Variants in TPTE2 observed in about 807,000 individuals in gnomAD.
TPTE2 encodes transmembrane phosphoinositide 3-phosphatase and tensin homolog 2.
Under a neutral mutation model 78.6 loss-of-function variants are expected in TPTE2, and 53 were observed. That is an observed-to-expected ratio of 0.67 (90% CI 0.54 to 0.85). The LOEUF (loss-of-function observed/expected upper bound fraction) is 0.85, where lower values mean the gene tolerates loss of function less well. Ranked by LOEUF, TPTE2 falls within the 40% of genes least tolerant of loss-of-function variation. The pLI, the probability that TPTE2 is intolerant of heterozygous loss-of-function variation, is 0.00. For missense variants in TPTE2, 461 were observed against 623.0 expected (o/e 0.74, Z 2.77); for synonymous variants, 175 against 206.2 (o/e 0.85, Z 1.30).
At chr13:19,531,354 G>T (rs191866529) in intron 1 of TPTE2, among the ~76,000 whole-genome samples, 1 of 150,586 alleles carries the variant, frequency 6.6e-6, no homozygotes, top group Admixed American at 6.6e-5. Flanking sequence ...AAGTTTCCTC[G>T]TATTAATACT....
chr13:19,538,322 G>A (rs1025651032), upstream of TPTE2, among the ~76,000 whole-genome samples: 4 of 151,952 alleles, frequency 2.6e-5, no homozygotes, highest in Non-Finnish European at 5.9e-5. Context: ...CCGGGTTCAC[G>A]CCATTCTCCT....
At chr13:19,560,994 A>T in the TPTE2 span, 1 of 1,581,086 alleles carries the variant, frequency 6.3e-7, no homozygotes, top group Non-Finnish European at 8.6e-7. Flanking sequence ...CCGCAGTGGT[A>T]GCCGGAGGCC....
At chr13:19,530,902 T>C (rs1488872669) in intron 1 of TPTE2, among the ~76,000 whole-genome samples, 1 of 152,196 alleles carries the variant, frequency 6.6e-6, no homozygotes, top group Non-Finnish European at 1.5e-5. Flanking sequence ...TTCAGTGGTG[T>C]GAAGTACATT....
chr13:19,503,356 A>G, upstream of TPTE2: 1 of 1,443,012 alleles, frequency 6.9e-7, no homozygotes, highest in Non-Finnish European at 9.6e-7. Context: ...AGCTTTCATT[A>G]CTCTGCACAT....
At chr13:19,558,694 C>T in the TPTE2 span, among the ~76,000 whole-genome samples, 1 of 152,138 alleles carries the variant, frequency 6.6e-6, no homozygotes, top group African/African-American at 2.4e-5. Flanking sequence ...CCCTTGTGAT[C>T]AAAACCTTTT....
At chr13:19,472,941 G>A (rs1312338530) in intron 6 of TPTE2, among the ~76,000 whole-genome samples, 1 of 152,202 alleles carries the variant, frequency 6.6e-6, no homozygotes, top group East Asian at 1.9e-4. Flanking sequence ...AAACTCTGTG[G>A]TTCTTGCAGA....
Position 19,437,519 on chromosome 13 carries a change from C to T in TPTE2, c.1035+573G>A, listed in dbSNP as rs562233600. 7.8e-4 allele frequency among the ~76,000 whole-genome samples: 119 copies of T among 152,258 alleles called. 1 individual carries two copies. Among genetic ancestry groups the T allele is most frequent in the African/African-American group, 2.8e-3 (118 of 41,538 alleles). ...CTTTGTTTTCAGTTGTGAAATGTTG[C>T]TTTTTATCTACCTAAGAGTTGTGAG... On this transcript the variant is annotated intron_variant, in intron 14 of 19. Coordinates refer to ENST00000400230, the Ensembl canonical transcript of TPTE2.
At chr13:19,528,048 G>A (rs1204435216) in intron 1 of TPTE2, among the ~76,000 whole-genome samples, 6 of 152,122 alleles carry the variant, frequency 3.9e-5, no homozygotes, top group Admixed American at 3.9e-4. Context: ...GGCAACTGCA[G>A]TAAGTCACAG....
chr13:19,549,315 C>A, the TPTE2 span, among the ~76,000 whole-genome samples: 43 of 152,128 alleles, frequency 2.8e-4, no homozygotes, highest in African/African-American at 9.9e-4. Flanking sequence ...GAAGCAAAAA[C>A]AATCAACCCT....
chr13:19,465,498 T>G, exon 8 of TPTE2: 1 of 1,610,674 alleles, frequency 6.2e-7, no homozygotes, highest in East Asian at 2.2e-5. Flanking sequence ...GTTGTCTTTT[T>G]TGATGAAGCA....
chr13:19,482,689 A>G, intron 3 of TPTE2, 142 bp from the exon 7 acceptor site: 5 of 1,011,194 alleles, frequency 4.9e-6, no homozygotes, highest in Non-Finnish European at 7.0e-6. Flanking sequence ...GGAAGACCTA[A>G]TATTTAAGAA....
At chr13:19,443,397 CTT>C (rs71092357) in intron 13 of TPTE2, among the ~76,000 whole-genome samples, 4 of 129,906 alleles carry the variant, frequency 3.1e-5, no homozygotes, top group Non-Finnish European at 6.5e-5. Flanking sequence ...TTCTTTCTTT[CTT>C]TTTTTTTTTT....
the TPTE2 span, among the ~76,000 whole-genome samples, chr13:19,553,151 G>C: frequency 6.6e-6 from 1 of 151,816 alleles, no homozygotes; most frequent in African/African-American, 2.4e-5. Flanking sequence ...AATGAATACT[G>C]AGTACTTCCT....
intron 1 of TPTE2, among the ~76,000 whole-genome samples, chr13:19,516,949 G>A (rs1258348381): frequency 1.3e-5 from 2 of 151,660 alleles, no homozygotes; most frequent in Non-Finnish European, 2.9e-5. Flanking sequence ...CCATACCTTC[G>A]GAGTTATACC....
intron 13 of TPTE2, among the ~76,000 whole-genome samples, chr13:19,441,583 C>A (rs1029676029): frequency 6.6e-6 from 1 of 151,668 alleles, no homozygotes; most frequent in South Asian, 2.1e-4. Context: ...TCAATTAATG[C>A]AGGAAAAAGC....
intron 1 of TPTE2, among the ~76,000 whole-genome samples, chr13:19,498,383 C>A (rs1169448378): frequency 6.6e-6 from 1 of 152,022 alleles, no homozygotes; most frequent in Non-Finnish European, 1.5e-5. Flanking sequence ...AAAAAATGTT[C>A]AGGGCAGCCA....
chr13:19,550,173 G>A, the TPTE2 span, among the ~76,000 whole-genome samples: 1 of 150,956 alleles, frequency 6.6e-6, no homozygotes, highest in African/African-American at 2.4e-5. Context: ...AAAAAAAATA[G>A]GAGGAAAACA....
At chr13:19,556,848 C>T in the TPTE2 span, among the ~76,000 whole-genome samples, 1 of 152,236 alleles carries the variant, frequency 6.6e-6, no homozygotes, top group Admixed American at 6.5e-5. Flanking sequence ...TTTAGAAATG[C>T]TCATCACTTA....
intron 13 of TPTE2, among the ~76,000 whole-genome samples, chr13:19,441,231 A>G (rs1877474682): frequency 6.6e-6 from 1 of 152,152 alleles, no homozygotes; most frequent in African/African-American, 2.4e-5. Flanking sequence ...GCTCATGGAT[A>G]TCAAGGTGGC....
Sources: gnomAD v4.1 joint callset for allele counts (sites outside exome capture counted in the v4.1 genomes callset) on GRCh38, gnomAD v4.1.1 for gene constraint, MANE v1.5 for transcripts, NCBI Gene and HGNC (gene_info 2026-07-23, HGNC 2026-07-21) for gene names.